Variants in CSMD1 observed in about 807,000 individuals in gnomAD.
The protein encoded by CSMD1 is CUB and sushi domain-containing protein 1.
CSMD1 carries 213 observed loss-of-function variants against 417.5 expected under a neutral mutation model. The ratio of observed to expected loss-of-function variants is 0.51; its 90% CI spans 0.46 to 0.57. CSMD1 has a LOEUF of 0.57. Ranked by LOEUF, CSMD1 falls within the 20% of genes least tolerant of loss-of-function variation. The probability of loss-of-function intolerance (pLI) is 0.00; values close to 1 mark genes in which losing one functional copy is unlikely to be tolerated. For missense variants in CSMD1, 6,923 were observed against 4,529.7 expected (o/e 1.53, Z -15.17); for synonymous variants, 2,862 against 1,736.8 (o/e 1.65, Z -16.11).
intron 2 of CSMD1, among the ~76,000 whole-genome samples, chr8:4,552,150 G>C (rs1474836265): frequency 1.3e-5 from 2 of 152,070 alleles, no homozygotes; most frequent in Non-Finnish European, 2.9e-5. Flanking sequence ...ACATGCATTG[G>C]GATTTTAAAC....
intron 3 of CSMD1, among the ~76,000 whole-genome samples, chr8:4,169,492 A>T (rs1457604021): frequency 6.6e-6 from 1 of 152,082 alleles, no homozygotes; most frequent in Non-Finnish European, 1.5e-5. Context: ...GACCACCTCT[A>T]CTGCGGCCTT....
chr8:3,673,783 C>A (rs1307462447), intron 7 of CSMD1, among the ~76,000 whole-genome samples: 1 of 152,124 alleles, frequency 6.6e-6, no homozygotes, highest in Non-Finnish European at 1.5e-5. Context: ...AAGGTGCAAA[C>A]CTACACTGTG....
intron 3 of CSMD1, among the ~76,000 whole-genome samples, chr8:4,091,363 T>C (rs1267544439): frequency 2.6e-5 from 4 of 152,196 alleles, no homozygotes; most frequent in Non-Finnish European, 4.4e-5. Flanking sequence ...GAAATGTCCA[T>C]GGAAGAAAAT....
chr8:4,463,551 A>T (rs1263398153), intron 2 of CSMD1, among the ~76,000 whole-genome samples: 1 of 152,192 alleles, frequency 6.6e-6, no homozygotes, highest in African/African-American at 2.4e-5. Flanking sequence ...TATATCCATC[A>T]TATTAAATAG....
At chr8:4,434,314 T>C (rs1585068366) in intron 2 of CSMD1, among the ~76,000 whole-genome samples, 1 of 152,132 alleles carries the variant, frequency 6.6e-6, no homozygotes, top group East Asian at 1.9e-4. Flanking sequence ...TGCAGTGAGC[T>C]GAGATTGCAC....
At chr8:2,980,578 C>A (rs953252401) in intron 54 of CSMD1, among the ~76,000 whole-genome samples, 3 of 151,486 alleles carry the variant, frequency 2.0e-5, no homozygotes, top group Non-Finnish European at 4.4e-5. Context: ...GGTGCAGTAA[C>A]AACAGGATCC....
At chr8:3,934,227 T>C (rs1410125318) in intron 5 of CSMD1, among the ~76,000 whole-genome samples, 1 of 152,230 alleles carries the variant, frequency 6.6e-6, no homozygotes, top group Admixed American at 6.5e-5. Flanking sequence ...TAATCAATGA[T>C]GAAAACTGAT....
intron 5 of CSMD1, among the ~76,000 whole-genome samples, chr8:3,817,373 C>T (rs1201119454): frequency 7.1e-6 from 1 of 141,616 alleles, no homozygotes; most frequent in East Asian, 2.3e-4. Context: ...GTCCTCCTAC[C>T]AGGTTCAAGT....
intron 7 of CSMD1, among the ~76,000 whole-genome samples, chr8:3,675,532 G>C (rs1262735819): frequency 6.6e-6 from 1 of 152,082 alleles, no homozygotes; most frequent in Non-Finnish European, 1.5e-5. Flanking sequence ...CAATGAGATG[G>C]TGTTTGGAAG....
chr8:4,196,630 G>A (rs1203556531), intron 3 of CSMD1, among the ~76,000 whole-genome samples: 3 of 152,084 alleles, frequency 2.0e-5, no homozygotes, highest in African/African-American at 7.2e-5. Flanking sequence ...CAGCAATGCT[G>A]GGTCCAGTCC....
At chr8:4,502,964 A>C (rs1802333789) in intron 2 of CSMD1, among the ~76,000 whole-genome samples, 1 of 152,166 alleles carries the variant, frequency 6.6e-6, no homozygotes, top group Non-Finnish European at 1.5e-5. Context: ...GGTATAAGAG[A>C]TTAAACAGCC....
chr8:4,412,490 G>A (rs1045326642), intron 3 of CSMD1, among the ~76,000 whole-genome samples: 1 of 152,162 alleles, frequency 6.6e-6, no homozygotes. Flanking sequence ...TTCCTGTCCA[G>A]CCTGCAGAAC....
chr8:3,595,903 T>C (rs1281476431), intron 8 of CSMD1, among the ~76,000 whole-genome samples: 1 of 152,166 alleles, frequency 6.6e-6, no homozygotes, highest in Non-Finnish European at 1.5e-5. Context: ...TGGGGAATCA[T>C]GGCTTGGGAA....
intron 3 of CSMD1, among the ~76,000 whole-genome samples, chr8:4,268,041 A>C (rs1804331094): frequency 6.6e-6 from 1 of 152,094 alleles, no homozygotes; most frequent in Non-Finnish European, 1.5e-5. Flanking sequence ...TCATTCTTGA[A>C]AAGTGTGTTC....
At chr8:3,455,116 C>G (rs948021654) in intron 12 of CSMD1, among the ~76,000 whole-genome samples, 5 of 152,178 alleles carry the variant, frequency 3.3e-5, no homozygotes, top group Non-Finnish European at 5.9e-5. Flanking sequence ...GCTACTGAGG[C>G]TTGTGCATTC....
intron 10 of CSMD1, among the ~76,000 whole-genome samples, chr8:3,524,502 T>C (rs1585303185): frequency 7.2e-6 from 1 of 138,882 alleles, no homozygotes; most frequent in African/African-American, 3.0e-5. Flanking sequence ...AGTACACACA[T>C]GCACAGATGC....
At chr8:3,857,010 G>A (rs976196835) in intron 5 of CSMD1, among the ~76,000 whole-genome samples, 13 of 152,186 alleles carry the variant, frequency 8.5e-5, no homozygotes, top group South Asian at 4.1e-4. Context: ...TTTTGTAATG[G>A]CATGGCAATG....
chr8:3,493,436 C>T (rs536867692), intron 11 of CSMD1, among the ~76,000 whole-genome samples, 187 bp downstream of exon 11: 63 of 152,118 alleles, frequency 4.1e-4, no homozygotes, highest in African/African-American at 1.5e-3. Flanking sequence ...ACAGATAACA[C>T]ATACTCCTAA....
intron 3 of CSMD1, among the ~76,000 whole-genome samples, chr8:4,201,896 G>GT (rs979649968): frequency 3.6e-4 from 45 of 124,506 alleles, no homozygotes; most frequent in African/African-American, 1.2e-3. Context: ...TTGGGGGGGG[G>GT]GGGCGCTGCA....
Sources: gnomAD v4.1 joint callset for allele counts (sites outside exome capture counted in the v4.1 genomes callset) on GRCh38, gnomAD v4.1.1 for gene constraint, MANE v1.5 for transcripts, NCBI Gene and HGNC (gene_info 2026-07-23, HGNC 2026-07-21) for gene names.